OCA2: variants seen among roughly 807,000 people sequenced by gnomAD.
The protein encoded by OCA2 is OCA2 melanosomal transmembrane protein.
A neutral mutation model predicts 100.2 loss-of-function variants in OCA2; 77 were observed. The observed-to-expected ratio is 0.77, with a 90% CI of 0.64 to 0.93. The LOEUF is 0.93. Ranked by LOEUF, OCA2 falls within the 40% of genes least tolerant of loss-of-function variation. The pLI is 0.00. For synonymous variants in OCA2, 432 were observed against 439.2 expected, an observed-to-expected ratio of 0.98 and a Z score of 0.21; for missense variants, 1,062 against 1,089.1, an observed-to-expected ratio of 0.98 and a Z score of 0.35.
intron 23 of OCA2, among the ~76,000 whole-genome samples, chr15:27,822,067 T>C (rs930556678): frequency 6.6e-6 from 1 of 152,076 alleles, no homozygotes; most frequent in Non-Finnish European, 1.5e-5. Flanking sequence ...AATCCCTGAA[T>C]AGAGAATAAA....
In OCA2 at chr15:28,018,508, C is replaced by G. The variant is rs374539905; in HGVS notation, c.696G>C (p.Leu232=). 69 of 1,613,814 alleles carry G rather than the reference C, an allele frequency of 4.3e-5. No homozygotes were observed. The highest frequency in any genetic ancestry group is 2.0e-4 in the Admixed American group (12 of 60,014). ...HVDSTLLQVD[L]AGALVASGPS... The stretch of plus-strand genomic sequence containing the variant: ...GCCCACTGGCCACTAGGGCCCCTGC[C>G]AGGTCCACCTGCAGCAGCGTGGAGT... The change falls in exon 7 of 24, where the codon CTG becomes CTC. Residue 232 remains leucine (L), a synonymous_variant. Transcript: ENST00000354638.
chr15:28,092,667 G>A (rs1235560418), intron 1 of OCA2, among the ~76,000 whole-genome samples: 1 of 151,990 alleles, frequency 6.6e-6, no homozygotes. Context: ...TGAATTATAT[G>A]GTATTTAATT....
At chr15:27,763,258 G>GA (rs1043154730) in intron 23 of OCA2, among the ~76,000 whole-genome samples, 7 of 150,824 alleles carry the variant, frequency 4.6e-5, no homozygotes, top group South Asian at 2.1e-4. Context: ...GATTCCATAA[G>GA]AAAAAAAAAT....
intron 23 of OCA2, among the ~76,000 whole-genome samples, chr15:27,803,167 C>G (rs4778181): frequency 0.76 from 115,398 of 152,086 alleles, 45,316 homozygotes; most frequent in East Asian, 1. Flanking sequence ...AACATCACTA[C>G]TTAGCAGGAA....
chr15:27,769,336 CTG>C (rs1269541711), intron 23 of OCA2, among the ~76,000 whole-genome samples: 2 of 152,216 alleles, frequency 1.3e-5, no homozygotes, highest in Non-Finnish European at 2.9e-5. Context: ...AAAAACCTGC[CTG>C]TGCTGACACA....
chr15:27,872,127 C>G (rs1488736450), intron 19 of OCA2, among the ~76,000 whole-genome samples: 1 of 152,170 alleles, frequency 6.6e-6, no homozygotes, highest in African/African-American at 2.4e-5. Context: ...AAAAGTCCAA[C>G]AGCAGTGGCA....
intron 2 of OCA2, among the ~76,000 whole-genome samples, chr15:28,063,520 G>T (rs1196650381): frequency 6.6e-6 from 1 of 151,926 alleles, no homozygotes; most frequent in African/African-American, 2.4e-5. Flanking sequence ...AAGTCAAATA[G>T]ATATTTGCTA....
intron 23 of OCA2, among the ~76,000 whole-genome samples, chr15:27,830,830 C>T (rs1173650954): frequency 6.6e-6 from 1 of 152,170 alleles, no homozygotes; most frequent in East Asian, 1.9e-4. Context: ...TTAACAATCT[C>T]CCAGTTAAGA....
chr15:28,021,328 A>C (rs906604866), intron 6 of OCA2, among the ~76,000 whole-genome samples: 18 of 151,908 alleles, frequency 1.2e-4, no homozygotes, highest in Non-Finnish European at 2.1e-4. Context: ...CCACCCTTTC[A>C]CCCAGAAAAG....
At chr15:27,841,711 A>T (rs1449538131) in intron 23 of OCA2, among the ~76,000 whole-genome samples, 1 of 152,226 alleles carries the variant, frequency 6.6e-6, no homozygotes, top group African/African-American at 2.4e-5. Context: ...AAATAGGAAA[A>T]TTCATCTCTC....
chr15:28,084,153 G>A lies in OCA2; in HGVS notation c.-21-2258C>T, dbSNP rs1038426509. ...TCCTCTCTCCACCATGTGTGGACAC[G>A]GCGAGAAGATGCTGTCTGTGAACCA... On this transcript the variant is annotated intron_variant, in intron 1 of 23. Coordinates refer to ENST00000354638, the MANE Select transcript of OCA2 (RefSeq NM_000275.3). Among the ~76,000 whole-genome samples the A allele has an allele frequency of 1.3e-5, 2 of 152,200 alleles. 1 individual carries two copies. The highest frequency in any genetic ancestry group is 4.8e-5 in the African/African-American group (2 of 41,450).
chr15:27,857,138 G>A (rs1477309283), intron 21 of OCA2, among the ~76,000 whole-genome samples: 1 of 151,876 alleles, frequency 6.6e-6, no homozygotes, highest in African/African-American at 2.4e-5. Flanking sequence ...AAGAGTTAGA[G>A]GAAATCAATA....
intron 19 of OCA2, among the ~76,000 whole-genome samples, chr15:27,884,437 T>A (rs1424112277): frequency 6.6e-6 from 1 of 152,250 alleles, no homozygotes; most frequent in African/African-American, 2.4e-5. Flanking sequence ...CCTCCAAAAT[T>A]ATGCATGCAT....
At chr15:27,849,954 C>T (rs1375404284) in intron 22 of OCA2, among the ~76,000 whole-genome samples, 4 of 152,102 alleles carry the variant, frequency 2.6e-5, no homozygotes, top group African/African-American at 9.7e-5. Flanking sequence ...GCCTTTCAAT[C>T]GCCAGAGCTA....
intron 22 of OCA2, 58 bp downstream of exon 22, chr15:27,851,324 G>C (rs1023004210): frequency 4.4e-6 from 6 of 1,376,950 alleles, no homozygotes; most frequent in Non-Finnish European, 6.2e-6. Context: ...CTGTTGCTTT[G>C]GGCTGAACCA....
chr15:28,013,068 C>T (rs2042285843), intron 9 of OCA2, among the ~76,000 whole-genome samples: 1 of 152,126 alleles, frequency 6.6e-6, no homozygotes, highest in South Asian at 2.1e-4. Context: ...ACCACCTCAA[C>T]TCCCTGAGCA....
At chr15:27,940,989 T>C (rs1276319274) in intron 18 of OCA2, among the ~76,000 whole-genome samples, 2 of 152,200 alleles carry the variant, frequency 1.3e-5, no homozygotes, top group Admixed American at 1.3e-4. Flanking sequence ...CTAACTCTTC[T>C]TAGCATTGTG....
chr15:28,077,265 G>A (rs2044462882), intron 2 of OCA2, among the ~76,000 whole-genome samples: 1 of 152,030 alleles, frequency 6.6e-6, no homozygotes, highest in Non-Finnish European at 1.5e-5. Context: ...CTCCATGTTG[G>A]TCAGGCTGGT....
chr15:27,862,357 G>A (rs2036168238), intron 21 of OCA2, among the ~76,000 whole-genome samples: 1 of 152,196 alleles, frequency 6.6e-6, no homozygotes, highest in Non-Finnish European at 1.5e-5. Flanking sequence ...TCAAAGGAGG[G>A]GCAGTGCTGG....
Sources: allele counts gnomAD v4.1 joint callset (sites outside exome capture counted in the v4.1 genomes callset), GRCh38; gene constraint gnomAD v4.1.1; transcripts MANE v1.5; gene names NCBI Gene and HGNC (gene_info 2026-07-23, HGNC 2026-07-21).